The following PARVG variants were observed in gnomAD, a reference collection of about 807,000 sequenced individuals.
PARVG encodes gamma-parvin.
PARVG carries 36 observed loss-of-function variants against 44.4 expected under a neutral mutation model. The ratio of observed to expected loss-of-function variants is 0.81; its 90% CI spans 0.62 to 1.07. PARVG has a LOEUF of 1.07. Ranked by LOEUF, PARVG falls within the 50% of genes least tolerant of loss-of-function variation. PARVG has a pLI of 0.00. For missense variants in PARVG, 407 were observed against 407.4 expected, an observed-to-expected ratio of 1.00 and a Z score of 0.01; for synonymous variants, 170 against 174.1, an observed-to-expected ratio of 0.98 and a Z score of 0.19.
Position 44,206,592 on chromosome 22 carries a change from G to A in PARVG, c.*166G>A, listed in dbSNP as rs973800701. 6 of 648,446 alleles carry A rather than the reference G, an allele frequency of 9.3e-6. No homozygotes were observed. Among genetic ancestry groups the A allele is most frequent in the Non-Finnish European group, 1.6e-5 (6 of 367,244 alleles). The allele number at this position is 648,446 out of a possible 1,614,324, so 40.2% of individuals were successfully genotyped here. A position where few individuals can be genotyped will look rare whatever the true frequency, so the allele number is the denominator to read the frequency against. On this transcript the variant is annotated 3_prime_UTR_variant, in exon 14 of 14. Transcript: ENST00000444313. The stretch of plus-strand genomic sequence containing the variant: ...TTGGATTATCTTTGAACCCCCTTGT[G>A]TGGATCATTTTGAGCCGCCTGGCCT...
At chr22:44,201,303 C>T (rs1452315153) in intron 12 of PARVG, among the ~76,000 whole-genome samples, 3 of 152,148 alleles carry the variant, frequency 2.0e-5, no homozygotes, top group East Asian at 1.9e-4. Flanking sequence ...CCTGTGAGAG[C>T]GGGGCAGGGC....
chr22:44,205,335 A>T lies in PARVG; in HGVS notation c.814-422A>T, dbSNP rs191327906. On this transcript the variant is annotated intron_variant, in intron 12 of 13. Transcript: ENST00000444313. ...CAGCTGTTCTCAAAGGTGCTCTGCC[A>T]CCCCAGGCCCTTGCTCCTTTCCCTG... 2.9e-3 allele frequency among the ~76,000 whole-genome samples: 434 copies of T among 152,256 alleles called. 1 individual carries two copies. Among genetic ancestry groups the T allele is most frequent in the African/African-American group, 9.8e-3 (408 of 41,548 alleles).
Position 44,181,583 on chromosome 22 carries a change from C to T in PARVG, c.-188-159C>T, listed in dbSNP as rs1472904692. On this transcript the variant is annotated intron_variant, in intron 1 of 13. Coordinates refer to ENST00000444313, the MANE Select transcript of PARVG (RefSeq NM_022141.7). ...GGAAACTGGCATGGTTTGGGGAAGG[C>T]GGGGAGAGGGGGAGAAATGAAAGCA... 1.3e-5 allele frequency: 8 copies of T among 596,310 alleles called. No individual in the cohort carries two copies. In the East Asian group the frequency reaches 1.1e-3, roughly 85 times the overall value. The allele number at this position is 596,310 out of a possible 1,614,324, so 36.9% of individuals were successfully genotyped here.
At chr22:44,181,635 C>T (rs2054379272) in intron 1 of PARVG, 107 bp from the exon 2 acceptor site, 2 of 866,730 alleles carry the variant, frequency 2.3e-6, no homozygotes, top group Admixed American at 6.2e-5. Context: ...TGCAGAACCC[C>T]GGGGGCCCAG....
intron 4 of PARVG, 96 bp downstream of exon 4, chr22:44,185,968 C>A: frequency 7.9e-7 from 1 of 1,272,368 alleles, no homozygotes; most frequent in Non-Finnish European, 1.1e-6. Flanking sequence ...GTCCCCACTC[C>A]TTGGCCTCAG....
Position 44,185,889 on chromosome 22 carries a change from A to G in PARVG, c.144+17A>G. 6.2e-7 allele frequency: 1 copy of G among 1,609,508 alleles called. No homozygotes were observed. Among genetic ancestry groups the G allele is most frequent in the East Asian group, 2.2e-5 (1 of 44,752 alleles). ...CTGCAGAAGGTACAGCAGCCTCCAC[A>G]GCCCTGACTTCCCTGGGTGCCTCTT... is the stretch of plus-strand genomic sequence containing the variant. On this transcript the variant is annotated intron_variant, in intron 4 of 13. Transcript: ENST00000444313.
chr22:44,175,695 G>C (rs9625989), intron 1 of PARVG, among the ~76,000 whole-genome samples: 1 of 152,118 alleles, frequency 6.6e-6, no homozygotes, highest in Non-Finnish European at 1.5e-5. Context: ...GGGGGGGTGG[G>C]GGTGTGCTAG....
intron 3 of PARVG, 185 bp from the exon 4 acceptor site, chr22:44,185,623 A>G (rs1275804528): frequency 1.8e-6 from 1 of 540,990 alleles, no homozygotes; most frequent in Non-Finnish European, 3.3e-6. Flanking sequence ...TCAAAGTATA[A>G]ATGCTGCAGT....
rs576224770 is a variant in PARVG at position 44,194,137 on chromosome 22, A to G, written c.583+314A>G. Among the ~76,000 whole-genome samples the G allele has an allele frequency of 1.1e-3, 166 of 152,354 alleles. 2 individuals are homozygous for G. Among genetic ancestry groups the G allele is most frequent in the Non-Finnish European group, 1.8e-3 (123 of 68,038 alleles). ...TCAAACACCAGTGTTCCCACTCATT[A>G]GCCACTTAAGTTTGGGCAAGTATCT... is the stretch of plus-strand genomic sequence containing the variant. On this transcript the variant is annotated intron_variant, in intron 9 of 13. Transcript: ENST00000444313.
intron 11 of PARVG, among the ~76,000 whole-genome samples, chr22:44,197,839 A>G (rs2054639148): frequency 6.6e-6 from 1 of 152,218 alleles, no homozygotes; most frequent in Non-Finnish European, 1.5e-5. Flanking sequence ...TAGTTTTATT[A>G]TATTTTATGT....
Position 44,181,807 on chromosome 22 carries a change from G to A in PARVG, c.-123G>A, listed in dbSNP as rs1447824400. 10 of 985,374 alleles carry A rather than the reference G, an allele frequency of 1.0e-5. No homozygotes were observed. Among genetic ancestry groups the A allele is most frequent in the African/African-American group, 1.7e-5 (1 of 57,218 alleles). 61.0% of individuals were successfully genotyped at this position (985,374 alleles called of 1,614,324 possible). On this transcript the variant is annotated 5_prime_UTR_variant, in exon 2 of 14. Coordinates refer to ENST00000444313, the MANE Select transcript of PARVG (RefSeq NM_022141.7). ...GTGAGCAGCGGGGCTCCTGCCTCCC[G>A]GCCTGGTCCCCGAAGACCCCAGAAG...
Position 44,189,124 on chromosome 22 carries a change from G to A in PARVG, c.258G>A (p.Ala86=), listed in dbSNP as rs929424301. ...CTCTCCTGCCTCCAGAGAGGCTGGCGGCGCTCAAGCTGGAAGCAGAGGACA... is the reference window on the plus strand; with the variant it reads ...CTCTCCTGCCTCCAGAGAGGCTGGCAGCGCTCAAGCTGGAAGCAGAGGACA... ...LILHHLFQRL[A]ALKLEAEDIA... Residue 86 remains alanine (A), a synonymous_variant, in exon 6 of 14, where the codon GCG becomes GCA. Coordinates refer to ENST00000444313, the MANE Select transcript of PARVG (RefSeq NM_022141.7). 8 of 1,613,776 alleles carry A rather than the reference G, an allele frequency of 5.0e-6. No individual in the cohort carries two copies. The East Asian group carries it at 6.7e-5, about 13-fold the overall frequency.
At chr22:44,201,149 C>T (rs1290536383) in intron 12 of PARVG, among the ~76,000 whole-genome samples, 4 of 152,134 alleles carry the variant, frequency 2.6e-5, no homozygotes, top group African/African-American at 4.8e-5. Context: ...CCTGGGCGGG[C>T]GGCCAGCTCT....
chr22:44,179,426 G>A (rs2147214057), upstream of PARVG, among the ~76,000 whole-genome samples: 1 of 152,360 alleles, frequency 6.6e-6, no homozygotes, highest in South Asian at 2.1e-4. This position sits in a 1 kb window ranked among gnomAD's most constrained non-coding sequence, Gnocchi z 4.2. Context: ...ACCTTGAGCT[G>A]AGAATGTAAA....
At chr22:44,205,110 G>A (rs2054761867) in intron 12 of PARVG, among the ~76,000 whole-genome samples, 1 of 152,198 alleles carries the variant, frequency 6.6e-6, no homozygotes, top group South Asian at 2.1e-4. Context: ...CCTAAAGGGA[G>A]CCATCTCTGA....
upstream of PARVG, among the ~76,000 whole-genome samples, chr22:44,179,144 G>T (rs1308831175): frequency 6.6e-6 from 1 of 151,218 alleles, no homozygotes; most frequent in Non-Finnish European, 1.5e-5. The surrounding 1 kb of genome is among the most constrained non-coding windows in gnomAD (Gnocchi z 4.2). Context: ...AAAAAGGCTG[G>T]AATAATTCCC....
At chr22:44,183,897 T>G (rs574183438) in intron 3 of PARVG, 1 of 342,156 alleles carries the variant, frequency 2.9e-6, no homozygotes, top group African/African-American at 2.1e-5. Context: ...CACCATGGAG[T>G]GATACTTTGC....
chr22:44,181,586 GGA>G (rs2054378605), intron 1 of PARVG, 154 bp from the exon 2 acceptor site: 2 of 596,170 alleles, frequency 3.4e-6, no homozygotes, highest in African/African-American at 4.0e-5. Flanking sequence ...GGGAAGGCGG[GGA>G]GAGGGGGAGA....
rs35954868 is a variant in PARVG, at chr22:44,191,388, ATTTTTT to A, written c.505-639_505-634del. Reference sequence around the variant, plus strand: ...GCCACACCCAGTCAGAGTCATTTCTATTTTTTTTTTTTTTTTTTTTTTTTTTTGAGA... The same window carrying A: ...GCCACACCCAGTCAGAGTCATTTCTATTTTTTTTTTTTTTTTTTTTTGAGA... On this transcript the variant is annotated intron_variant, in intron 7 of 13. Coordinates refer to ENST00000444313, the MANE Select transcript of PARVG (RefSeq NM_022141.7). 8.8e-4 allele frequency among the ~76,000 whole-genome samples: 56 copies of A among 63,468 alleles called. 1 individual carries two copies. Among genetic ancestry groups the A allele is most frequent in the Middle Eastern group, 0.023 (1 of 44 alleles). 41.6% of individuals were successfully genotyped at this position (63,468 alleles called of 152,430 possible).
Sources: allele counts gnomAD v4.1 joint callset (sites outside exome capture counted in the v4.1 genomes callset), GRCh38; gene constraint gnomAD v4.1.1; non-coding constraint Gnocchi (gnomAD v3.1); transcripts MANE v1.5; gene names NCBI Gene and HGNC (gene_info 2026-07-23, HGNC 2026-07-21).